The following KIF26B variants were observed in gnomAD, a reference collection of about 807,000 sequenced individuals.
KIF26B encodes kinesin-like protein KIF26B.
A neutral mutation model predicts 151.2 loss-of-function variants in KIF26B; 63 were observed. That is an observed-to-expected ratio of 0.42 (90% CI 0.34 to 0.51). The LOEUF (loss-of-function observed/expected upper bound fraction) is 0.51, where lower values mean the gene tolerates loss of function less well. Among genes scored for constraint, KIF26B ranks in the 20% least tolerant of loss-of-function variants. The pLI is 0.07. For synonymous variants in KIF26B, 1,357 were observed against 1,262.1 expected (o/e 1.08, Z -1.59); for missense variants, 2,813 against 2,913.6 (o/e 0.97, Z 0.79).
At chr1:245,541,655 G>A (rs1281688619) in intron 5 of KIF26B, among the ~76,000 whole-genome samples, 2 of 152,150 alleles carry the variant, frequency 1.3e-5, no homozygotes, top group African/African-American at 2.4e-5. Context: ...AAGACGTGGC[G>A]GTTTAATTTT....
chr1:245,413,604 A>G (rs983694603), intron 3 of KIF26B, among the ~76,000 whole-genome samples: 2 of 152,232 alleles, frequency 1.3e-5, no homozygotes, highest in Non-Finnish European at 2.9e-5. Context: ...CGGAGGTTGC[A>G]GTGAGCCGAG....
At position 245,384,166 on chromosome 1, in the gene KIF26B, C is replaced by T. The variant is rs566749242; in HGVS notation, c.999+16799C>T. 5.9e-5 allele frequency among the ~76,000 whole-genome samples: 9 copies of T among 152,250 alleles called. No individual in the cohort carries two copies. The South Asian group carries it at 1.5e-3, about 25-fold the overall frequency. On this transcript the variant is annotated intron_variant, in intron 3 of 14. Transcript: ENST00000407071. ...TTCCCGTTCCCCTGACAGTGTGCTC[C>T]GGCTTTACGAGGCTGTTTTTCTCTC... is the stretch of plus-strand genomic sequence containing the variant.
At position 245,617,819 on chromosome 1, in the gene KIF26B, G is replaced by C. The variant is rs182712623; in HGVS notation, c.2098+5843G>C. ...GCAGGTAACTAGCATCTTAGTCAAT[G>C]AGAAGACAGAGCTGACCTGGTGCAT... is the stretch of plus-strand genomic sequence containing the variant. On this transcript the variant is annotated intron_variant, in intron 9 of 14. Transcript: ENST00000407071. Among the ~76,000 whole-genome samples the C allele has an allele frequency of 6.3e-3, 964 of 152,226 alleles. 12 individuals are homozygous for C. Among genetic ancestry groups the C allele is most frequent in the African/African-American group, 0.021 (890 of 41,528 alleles).
At chr1:245,542,380 C>T (rs6690345) in intron 5 of KIF26B, among the ~76,000 whole-genome samples, 53,509 of 152,174 alleles carry the variant, frequency 0.35, 9,646 homozygotes, top group South Asian at 0.45. Context: ...AGAGCAGTGC[C>T]TCCTCTGAGG....
intron 10 of KIF26B, among the ~76,000 whole-genome samples, chr1:245,663,834 G>A (rs1190726046): frequency 6.6e-6 from 1 of 152,226 alleles, no homozygotes; most frequent in East Asian, 1.9e-4. Flanking sequence ...ATACCTACAA[G>A]GGACAATTAT....
chr1:245,513,674 A>T (rs1472006836), intron 4 of KIF26B, among the ~76,000 whole-genome samples: 1 of 152,158 alleles, frequency 6.6e-6, no homozygotes. Flanking sequence ...TCTTTCTAAC[A>T]ACGGGTGCTG....
chr1:245,386,336 T>TAAAAAAA lies in KIF26B; in HGVS notation c.999+18974_999+18980dup, dbSNP rs3038167. ...TATTCAGCCTGCTGTGTAATTGATCTAAAAAAAAAAAGACAGATTTATTCT... is the reference window on the plus strand; with the variant it reads ...TATTCAGCCTGCTGTGTAATTGATCTAAAAAAAAAAAAAAAAAAGACAGATTTATTCT... On this transcript the variant is annotated intron_variant, in intron 3 of 14. Transcript: ENST00000407071. Among the ~76,000 whole-genome samples the TAAAAAAA allele has an allele frequency of 7.6e-4, 112 of 147,702 alleles. 2 individuals are homozygous for TAAAAAAA. The highest frequency in any genetic ancestry group is 1.3e-3 in the Non-Finnish European group (86 of 66,838).
At chr1:245,331,835 C>T (rs1195411813) in intron 2 of KIF26B, among the ~76,000 whole-genome samples, 2 of 152,146 alleles carry the variant, frequency 1.3e-5, no homozygotes, top group Non-Finnish European at 2.9e-5. Flanking sequence ...GTCTGAAGTC[C>T]TCATCAGGAG....
intron 2 of KIF26B, among the ~76,000 whole-genome samples, chr1:245,312,097 A>G (rs1299271182): frequency 6.6e-6 from 1 of 152,210 alleles, no homozygotes; most frequent in Non-Finnish European, 1.5e-5. Flanking sequence ...GTCTACCTAC[A>G]GCATGGAGAT....
intron 2 of KIF26B, among the ~76,000 whole-genome samples, chr1:245,302,207 T>C (rs1671438180): frequency 6.6e-6 from 1 of 152,238 alleles, no homozygotes; most frequent in African/African-American, 2.4e-5. Flanking sequence ...CAAGGTCCTG[T>C]TTGTTGATAT....
chr1:245,461,261 T>G (rs1659639129), intron 4 of KIF26B, among the ~76,000 whole-genome samples: 1 of 152,160 alleles, frequency 6.6e-6, no homozygotes, highest in African/African-American at 2.4e-5. Context: ...CTGATTCTGC[T>G]TCTGCTTTCT....
At chr1:245,224,052 A>G (rs952657854) in intron 2 of KIF26B, among the ~76,000 whole-genome samples, 1 of 152,178 alleles carries the variant, frequency 6.6e-6, no homozygotes, top group African/African-American at 2.4e-5. Context: ...TGGGAGGCTG[A>G]GGCGGGTGGA....
In KIF26B at chr1:245,646,344, T is replaced by C. The variant is rs141306587; in HGVS notation, c.2258+64T>C. The C allele has an allele frequency of 2.0e-4, 315 of 1,548,832 alleles. 3 individuals carry two copies. The African/African-American group carries it at 2.0e-3, about 10-fold the overall frequency. ...GCATGGTGTGGGACGCTTTGTTCAG[T>C]GCCATCTGTGGAGAGGTGTGCCACA... On this transcript the variant is annotated intron_variant, in intron 10 of 14. Coordinates refer to ENST00000407071, the MANE Select transcript of KIF26B (RefSeq NM_018012.4).
chr1:245,265,990 T>A (rs1285954547), intron 2 of KIF26B, among the ~76,000 whole-genome samples: 1 of 152,102 alleles, frequency 6.6e-6, no homozygotes. Context: ...AAACAAAGAA[T>A]ATCAGTTTAT....
At chr1:245,290,158 G>A (rs963151379) in intron 2 of KIF26B, among the ~76,000 whole-genome samples, 10 of 148,128 alleles carry the variant, frequency 6.8e-5, no homozygotes, top group African/African-American at 2.3e-4. Flanking sequence ...TTCAGTAGGT[G>A]CTTAATCAAA....
At chr1:245,459,690 G>T (rs993452772) in intron 4 of KIF26B, among the ~76,000 whole-genome samples, 2 of 152,066 alleles carry the variant, frequency 1.3e-5, no homozygotes, top group African/African-American at 4.8e-5. Context: ...GGGCACTTTG[G>T]GGTCACCTGA....
intron 5 of KIF26B, among the ~76,000 whole-genome samples, chr1:245,588,280 TAAAG>T (rs1240325243): frequency 6.6e-6 from 1 of 152,048 alleles, no homozygotes; most frequent in East Asian, 1.9e-4. Flanking sequence ...AAGAAGAAAA[TAAAG>T]AGAAGACACG....
chr1:245,401,870 C>A (rs12135536), intron 3 of KIF26B, among the ~76,000 whole-genome samples: 16,499 of 127,806 alleles, frequency 0.13, 1,666 homozygotes, highest in African/African-American at 0.34. Flanking sequence ...ATTCCATCTC[C>A]AAACAAACAA....
At chr1:245,532,512 TG>T (rs1661397179) in intron 4 of KIF26B, among the ~76,000 whole-genome samples, 3 of 152,142 alleles carry the variant, frequency 2.0e-5, no homozygotes. Context: ...CCCAAAGTGC[TG>T]GGATTACAGG....
Sources: gnomAD v4.1 joint callset for allele counts (sites outside exome capture counted in the v4.1 genomes callset) on GRCh38, gnomAD v4.1.1 for gene constraint, MANE v1.5 for transcripts, NCBI Gene and HGNC (gene_info 2026-07-23, HGNC 2026-07-21) for gene names.